The following TUSC3 variants were observed in gnomAD, a reference collection of about 807,000 sequenced individuals.
TUSC3 encodes dolichyl-diphosphooligosaccharide--protein glycosyltransferase subunit TUSC3.
A neutral mutation model predicts 44.8 loss-of-function variants in TUSC3; 45 were observed. The observed-to-expected ratio is 1.00, with a 90% CI of 0.79 to 1.29. The LOEUF (loss-of-function observed/expected upper bound fraction) is 1.29, where lower values mean the gene tolerates loss of function less well. Among genes scored for constraint, TUSC3 ranks in the 50% most tolerant of loss-of-function variants. The probability of loss-of-function intolerance (pLI) is 0.00; values close to 1 mark genes in which losing one functional copy is unlikely to be tolerated. For missense variants in TUSC3, 519 were observed against 437.9 expected, an observed-to-expected ratio of 1.19 and a Z score of -1.65; for synonymous variants, 212 against 152.9, an observed-to-expected ratio of 1.39 and a Z score of -2.85.
intron 1 of TUSC3, among the ~76,000 whole-genome samples, chr8:15,449,208 G>C (rs995491393): frequency 6.6e-6 from 1 of 152,044 alleles, no homozygotes; most frequent in Non-Finnish European, 1.5e-5. Context: ...TGAAGGAAGC[G>C]GCCAAATATA....
chr8:15,802,482 C>T, the TUSC3 span, among the ~76,000 whole-genome samples: 44 of 152,160 alleles, frequency 2.9e-4, no homozygotes, highest in African/African-American at 4.3e-4. Context: ...AGTGCAGCGG[C>T]GTGATCCCAG....
the TUSC3 span, among the ~76,000 whole-genome samples, chr8:15,804,964 A>G: frequency 6.6e-6 from 1 of 152,132 alleles, no homozygotes; most frequent in Non-Finnish European, 1.5e-5. Flanking sequence ...GTCCATGAGC[A>G]TGGAATTTTT....
chr8:15,787,869 C>T, the TUSC3 span, among the ~76,000 whole-genome samples: 1 of 152,256 alleles, frequency 6.6e-6, no homozygotes, highest in Admixed American at 6.5e-5. Flanking sequence ...TAATCACAAG[C>T]CCAGTATTTA....
intron 1 of TUSC3, among the ~76,000 whole-genome samples, chr8:15,576,667 T>A (rs1320405162): frequency 8.6e-5 from 12 of 138,790 alleles, no homozygotes. Flanking sequence ...CTGCATAGTA[T>A]TCCATGGTGT....
At chr8:15,781,610 A>G in the TUSC3 span, among the ~76,000 whole-genome samples, 1 of 152,166 alleles carries the variant, frequency 6.6e-6, no homozygotes, top group Non-Finnish European at 1.5e-5. Context: ...AAGAAAATGG[A>G]ATCAGAATAG....
At chr8:15,841,598 C>T in the TUSC3 span, among the ~76,000 whole-genome samples, 1 of 152,118 alleles carries the variant, frequency 6.6e-6, no homozygotes, top group Admixed American at 6.5e-5. Context: ...ACTGCAACCC[C>T]TGCCTCCCGG....
At chr8:15,509,927 T>C (rs1801109497) in intron 2 of TUSC3, among the ~76,000 whole-genome samples, 1 of 152,206 alleles carries the variant, frequency 6.6e-6, no homozygotes, top group African/African-American at 2.4e-5. Flanking sequence ...CAGAAAGCTT[T>C]GGTTGGCCTA....
chr8:15,438,157 C>G (rs1250535150), intron 1 of TUSC3, among the ~76,000 whole-genome samples: 1 of 152,114 alleles, frequency 6.6e-6, no homozygotes. Context: ...TGCAATGGCA[C>G]AGTCTCGGCT....
intron 7 of TUSC3, among the ~76,000 whole-genome samples, chr8:15,739,952 G>C (rs527530088): frequency 2.0e-5 from 3 of 152,258 alleles, no homozygotes; most frequent in African/African-American, 7.2e-5. Flanking sequence ...CTACATCAGA[G>C]AGTTATTGGT....
At chr8:15,651,223 T>C (rs1806889956) in intron 3 of TUSC3, among the ~76,000 whole-genome samples, 2 of 152,224 alleles carry the variant, frequency 1.3e-5, no homozygotes, top group South Asian at 2.1e-4. Context: ...ATTGGTCTTA[T>C]TCTGGCATTT....
chr8:15,449,048 A>C lies in TUSC3; in HGVS notation n.91+31743A>C, dbSNP rs572377393. Among the ~76,000 whole-genome samples the C allele has an allele frequency of 3.7e-4, 57 of 152,330 alleles. 2 individuals carry two copies. In the South Asian group the frequency reaches 0.011, roughly 29 times the overall value. ...TACCACTGTTAACTGAAGAATGAGG[A>C]CATCTATAAATTTAGAAAGGAGAGC... is the stretch of plus-strand genomic sequence containing the variant. On this transcript the variant is annotated intron_variant and non_coding_transcript_variant, in intron 1 of 5. Coordinates refer to the TUSC3 transcript ENST00000503191.
intron 2 of TUSC3, among the ~76,000 whole-genome samples, chr8:15,483,749 G>A (rs754290556): frequency 1.2e-3 from 167 of 141,330 alleles, no homozygotes; most frequent in African/African-American, 3.7e-3. Context: ...TCCGCCTCCC[G>A]AGTTCATGCC....
At chr8:15,785,909 T>C in the TUSC3 span, among the ~76,000 whole-genome samples, 5 of 152,046 alleles carry the variant, frequency 3.3e-5, no homozygotes, top group Non-Finnish European at 7.4e-5. Context: ...AATTGCTTGT[T>C]TGAAAAAAAA....
chr8:15,716,788 T>C (rs1810077480), intron 6 of TUSC3, among the ~76,000 whole-genome samples: 1 of 152,128 alleles, frequency 6.6e-6, no homozygotes, highest in Non-Finnish European at 1.5e-5. Flanking sequence ...TTAAAGAACA[T>C]TTACTATATA....
At chr8:15,824,365 A>G in the TUSC3 span, among the ~76,000 whole-genome samples, 1 of 152,218 alleles carries the variant, frequency 6.6e-6, no homozygotes, top group African/African-American at 2.4e-5. Context: ...CAAGGTATGA[A>G]TATCAACTGA....
At chr8:15,780,419 G>A in the TUSC3 span, among the ~76,000 whole-genome samples, 2 of 152,124 alleles carry the variant, frequency 1.3e-5, no homozygotes, top group African/African-American at 4.8e-5. Context: ...GAACAAAGGG[G>A]ACTAGGCATA....
chr8:15,851,229 T>C, the TUSC3 span, among the ~76,000 whole-genome samples: 473 of 152,162 alleles, frequency 3.1e-3, 1 homozygote, highest in African/African-American at 0.011. Context: ...GTGAAAATAA[T>C]AACAATAATT....
intron 5 of TUSC3, among the ~76,000 whole-genome samples, chr8:15,673,443 G>A (rs1441515108): frequency 1.3e-5 from 2 of 152,004 alleles, no homozygotes; most frequent in South Asian, 4.1e-4. Flanking sequence ...GACTGGCTCA[G>A]GTGAGCACAT....
At chr8:15,741,622 G>C (rs1373300373) in intron 7 of TUSC3, among the ~76,000 whole-genome samples, 1 of 152,006 alleles carries the variant, frequency 6.6e-6, no homozygotes, top group Non-Finnish European at 1.5e-5. Context: ...GGGAGGCAGA[G>C]GTTGCAGTGA....
Sources: allele counts gnomAD v4.1 joint callset (sites outside exome capture counted in the v4.1 genomes callset), GRCh38; gene constraint gnomAD v4.1.1; transcripts MANE v1.5; gene names NCBI Gene and HGNC (gene_info 2026-07-23, HGNC 2026-07-21).